RFX4: variants seen among roughly 807,000 people sequenced by gnomAD.
RFX4 encodes the protein transcription factor RFX4.
Under a neutral mutation model 95.0 loss-of-function variants are expected in RFX4, and 10 were observed. The ratio of observed to expected loss-of-function variants is 0.11; its 90% confidence interval spans 0.06 to 0.18. The LOEUF is 0.18. RFX4 is among the 10% of genes least tolerant of loss of function. The pLI, the probability that RFX4 is intolerant of heterozygous loss-of-function variation, is 1.00. For missense variants in RFX4, 640 were observed against 922.0 expected, an observed-to-expected ratio of 0.69 and a Z score of 3.96; for synonymous variants, 321 against 340.7, an observed-to-expected ratio of 0.94 and a Z score of 0.64.
At chr12:106,644,529 G>A (rs2040703080) in intron 3 of RFX4, among the ~76,000 whole-genome samples, 1 of 152,098 alleles carries the variant, frequency 6.6e-6, no homozygotes, top group South Asian at 2.1e-4. Flanking sequence ...CACCCCACCC[G>A]GCGCCACTTC....
intron 4 of RFX4, among the ~76,000 whole-genome samples, chr12:106,657,899 T>C (rs2040992390): frequency 6.6e-6 from 1 of 152,154 alleles, no homozygotes; most frequent in African/African-American, 2.4e-5. Context: ...TAGTTTTCTC[T>C]CTATATATAG....
intron 2 of RFX4, among the ~76,000 whole-genome samples, chr12:106,626,946 G>A (rs140626709): frequency 1.1e-4 from 16 of 152,258 alleles, no homozygotes; most frequent in African/African-American, 3.9e-4. Flanking sequence ...ACACACACAT[G>A]CATGTGTGCA....
intron 4 of RFX4, among the ~76,000 whole-genome samples, chr12:106,665,641 T>C (rs901589236): frequency 6.6e-6 from 1 of 151,996 alleles, no homozygotes; most frequent in African/African-American, 2.4e-5. Context: ...TTCTCCTTTA[T>C]TAGCATATGT....
rs781691742 is a variant in RFX4, at chr12:106,720,069, A to ACCTAGCGGGCAGCCTTGGG, written c.1233+18_1233+36dup. ...GTGTTGTGAAGGTTGGTAAACCGGC[A>ACCTAGCGGGCAGCCTTGGG]CCTAGCGGGCAGCCTTGGGCCCTGC... On this transcript the variant is annotated intron_variant, in intron 12 of 17. Transcript: ENST00000392842. This position sits in a 1 kb window ranked among gnomAD's most constrained non-coding sequence, Gnocchi z 4.2. The ACCTAGCGGGCAGCCTTGGG allele has an allele frequency of 1.9e-6, 3 of 1,611,396 alleles. No individual in the cohort carries two copies. In the African/African-American group the frequency reaches 4.0e-5, roughly 22 times the overall value.
chr12:106,593,454 A>G (rs570147196), intron 1 of RFX4, among the ~76,000 whole-genome samples: 132 of 152,352 alleles, frequency 8.7e-4, no homozygotes, highest in Middle Eastern at 6.8e-3. Flanking sequence ...AGTATCAGTC[A>G]ATGGAAGCAA....
chr12:106,604,318 C>T (rs866931018), intron 1 of RFX4, among the ~76,000 whole-genome samples: 11 of 151,878 alleles, frequency 7.2e-5, no homozygotes, highest in Middle Eastern at 6.8e-3. Context: ...GACGGGGTTT[C>T]GCCATGTTGG....
At chr12:106,750,488 A>C (rs912744837) in intron 16 of RFX4, among the ~76,000 whole-genome samples, 167 bp from the exon 17 acceptor site, 1 of 151,868 alleles carries the variant, frequency 6.6e-6, no homozygotes, top group African/African-American at 2.4e-5. Context: ...AAAAAAAAAA[A>C]AAAACAGATG....
intron 16 of RFX4, 35 bp from the exon 17 acceptor site, chr12:106,750,620 T>TA (rs1374362491): frequency 5.2e-6 from 8 of 1,531,498 alleles, no homozygotes; most frequent in Non-Finnish European, 6.1e-6. Context: ...TTCTTGCTAT[T>TA]ACTCACACTA....
rs971087731 is a variant in RFX4 at position 106,685,050 on chromosome 12, A to G, written c.378-1834A>G. The G allele has an allele frequency of 2.7e-6, 4 of 1,459,178 alleles. No homozygotes were observed. The Admixed American group carries it at 8.3e-5, about 30-fold the overall frequency. The allele number at this position is 1,459,178 out of a possible 1,614,324, so 90.4% of individuals were successfully genotyped here. On this transcript the variant is annotated intron_variant, in intron 5 of 17. Transcript: ENST00000392842. ...ACTTTCATTGTATCTCCATGGGTAG[A>G]GAAAAGTAGTTAATATGTTGTGCGG... is the stretch of plus-strand genomic sequence containing the variant.
intron 10 of RFX4, 110 bp downstream of exon 10, chr12:106,711,621 C>T (rs1237492877): frequency 1.2e-6 from 1 of 822,730 alleles, no homozygotes; most frequent in Non-Finnish European, 2.0e-6. Flanking sequence ...AGGGCACTCT[C>T]TCTATTATTT....
intron 8 of RFX4, among the ~76,000 whole-genome samples, chr12:106,696,734 T>C (rs1308562921): frequency 5.9e-5 from 9 of 152,196 alleles, no homozygotes; most frequent in African/African-American, 1.9e-4. Context: ...TCCCAGAACA[T>C]CAAATAGAAT....
In RFX4 at chr12:106,633,874, T is replaced by C. The variant is rs552414003; in HGVS notation, c.131-5458T>C. ...ACATGCATCTTCCCTGGGCCCCAGGTCCCAGTTCCTTGCCTTTGCTCCTGC... is the reference window on the plus strand; with the variant it reads ...ACATGCATCTTCCCTGGGCCCCAGGCCCCAGTTCCTTGCCTTTGCTCCTGC... On this transcript the variant is annotated intron_variant, in intron 2 of 17. Transcript: ENST00000392842. 2.8e-4 allele frequency among the ~76,000 whole-genome samples: 43 copies of C among 152,320 alleles called. 2 individuals carry two copies. The highest frequency in any genetic ancestry group is 9.9e-4 in the African/African-American group (41 of 41,570).
At chr12:106,744,614 T>G (rs935086365) in intron 15 of RFX4, among the ~76,000 whole-genome samples, 3 of 152,184 alleles carry the variant, frequency 2.0e-5, no homozygotes, top group Non-Finnish European at 4.4e-5. Context: ...TACTCCTGTT[T>G]TAAAGATGAT....
intron 2 of RFX4, among the ~76,000 whole-genome samples, chr12:106,626,721 G>A (rs1464537107): frequency 2.6e-5 from 4 of 152,150 alleles, no homozygotes; most frequent in Non-Finnish European, 4.4e-5. Context: ...GGAGAAACTG[G>A]GAGGATAGGA....
At position 106,665,131 on chromosome 12, in the gene RFX4, GT is replaced by G. The variant is rs953423279; in HGVS notation, c.315+10782del. ...CTGGATTCATCAATTTTTCCTTGCA[GT>G]TCTATTAGTTTTGGCCTTATATAGT... On this transcript the variant is annotated intron_variant, in intron 4 of 17. Transcript: ENST00000392842. 1.7e-4 allele frequency among the ~76,000 whole-genome samples: 26 copies of G among 151,732 alleles called. 1 individual carries two copies. The highest frequency in any genetic ancestry group is 1.3e-4 in the Non-Finnish European group (9 of 67,704).
At position 106,720,944 on chromosome 12, in the gene RFX4, T is replaced by G. The variant is rs1335139539; in HGVS notation, c.1351+68T>G. ...TCTGGGCACGGAGCCCAGAGGAATC[T>G]ACCACAGTCTAACTTGCTGTTTCTG... On this transcript the variant is annotated intron_variant, in intron 13 of 17. Transcript: ENST00000392842. The surrounding 1 kb of genome is among the most constrained non-coding windows in gnomAD (Gnocchi z 4.2). 1.5e-6 allele frequency: 2 copies of G among 1,336,632 alleles called. No homozygotes were observed. The highest frequency in any genetic ancestry group is 2.1e-6 in the Non-Finnish European group (2 of 931,660). 82.8% of individuals were successfully genotyped at this position (1,336,632 alleles called of 1,614,324 possible).
chr12:106,616,977 C>T (rs2040086382), intron 2 of RFX4, among the ~76,000 whole-genome samples: 1 of 151,844 alleles, frequency 6.6e-6, no homozygotes, highest in South Asian at 2.1e-4. Context: ...ACCATGTTGG[C>T]CAGGTTGGTC....
intron 3 of RFX4, among the ~76,000 whole-genome samples, chr12:106,653,474 G>A (rs1227980746): frequency 1.3e-5 from 2 of 152,134 alleles, no homozygotes; most frequent in African/African-American, 4.8e-5. Context: ...CCACCAAAAG[G>A]AAACTGAGGC....
At chr12:106,698,852 C>A (rs1178869896) in intron 8 of RFX4, among the ~76,000 whole-genome samples, 1 of 151,902 alleles carries the variant, frequency 6.6e-6, no homozygotes, top group Non-Finnish European at 1.5e-5. Context: ...TGTTATTGAT[C>A]TCAAAAAATA....
Sources: allele counts gnomAD v4.1 joint callset (sites outside exome capture counted in the v4.1 genomes callset), GRCh38; gene constraint gnomAD v4.1.1; non-coding constraint Gnocchi (gnomAD v3.1); transcripts MANE v1.5; gene names NCBI Gene and HGNC (gene_info 2026-07-23, HGNC 2026-07-21).